NPEPPS: variants seen among roughly 807,000 people sequenced by gnomAD.
The protein encoded by NPEPPS is puromycin-sensitive aminopeptidase.
NPEPPS carries 14 observed loss-of-function variants against 115.5 expected under a neutral mutation model. The ratio of observed to expected loss-of-function variants is 0.12; its 90% CI spans 0.08 to 0.19. The LOEUF is 0.19. Ranked by LOEUF, NPEPPS falls within the 10% of genes least tolerant of loss-of-function variation. NPEPPS has a pLI of 1.00. For missense variants in NPEPPS, 523 were observed against 1,110.8 expected, an observed-to-expected ratio of 0.47 and a Z score of 7.52; for synonymous variants, 285 against 390.6, an observed-to-expected ratio of 0.73 and a Z score of 3.19.
chr17:47,595,182 C>T (rs1050492029), intron 12 of NPEPPS, among the ~76,000 whole-genome samples: 5 of 152,136 alleles, frequency 3.3e-5, no homozygotes, highest in East Asian at 3.9e-4. Context: ...GTGCCCACCT[C>T]GGCCTCCCAA....
intron 17 of NPEPPS, among the ~76,000 whole-genome samples, chr17:47,609,876 C>T (rs984303196): frequency 1.3e-5 from 2 of 152,136 alleles, no homozygotes; most frequent in Non-Finnish European, 2.9e-5. Flanking sequence ...CTGAGATAAT[C>T]TGGGTTGTTC....
intron 10 of NPEPPS, 48 bp downstream of exon 10, chr17:47,590,929 A>G: frequency 2.7e-6 from 4 of 1,481,224 alleles, no homozygotes; most frequent in Non-Finnish European, 2.7e-6. Flanking sequence ...CTCATTTACA[A>G]TGAAATACGT....
In NPEPPS at chr17:47,592,559, G is replaced by C. The variant is rs770590577; in HGVS notation, c.1426+14G>C. The C allele has an allele frequency of 6.3e-7, 1 of 1,580,708 alleles. No homozygotes were observed. The highest frequency in any genetic ancestry group is 1.3e-5 in the African/African-American group (1 of 74,290). ...ATGCTGCCACAGGTAATCTCTAATAGCTTGAGATAGAAATGGAGAGAAAGT... is the reference window on the plus strand; with the variant it reads ...ATGCTGCCACAGGTAATCTCTAATACCTTGAGATAGAAATGGAGAGAAAGT... On this transcript the variant is annotated intron_variant, in intron 12 of 22. Coordinates refer to ENST00000322157, the MANE Select transcript of NPEPPS (RefSeq NM_006310.4).
intron 2 of NPEPPS, among the ~76,000 whole-genome samples, chr17:47,556,669 G>GC (rs908176293): frequency 1.3e-5 from 2 of 152,088 alleles, no homozygotes; most frequent in African/African-American, 2.4e-5. Context: ...GGGCAGAGGT[G>GC]CCCCCCACCT....
At chr17:47,592,756 C>T (rs1438539836) in intron 12 of NPEPPS, 11 of 476,106 alleles carry the variant, frequency 2.3e-5, no homozygotes, top group Admixed American at 3.6e-5. Flanking sequence ...TCTTTCCTTT[C>T]TTTCTTTTTT....
At chr17:47,560,847 G>A (rs969659581) in intron 2 of NPEPPS, among the ~76,000 whole-genome samples, 6 of 152,168 alleles carry the variant, frequency 3.9e-5, no homozygotes, top group Admixed American at 2.6e-4. Flanking sequence ...CTCACAATGT[G>A]TTTGATCTAG....
intron 12 of NPEPPS, among the ~76,000 whole-genome samples, chr17:47,595,398 G>T (rs956938041): frequency 3.3e-5 from 5 of 152,306 alleles, no homozygotes; most frequent in African/African-American, 9.6e-5. Context: ...AATTGAATGG[G>T]TATAACGGTC....
Position 47,607,928 on chromosome 17 carries a change from T to C in NPEPPS, c.2095+2376T>C, listed in dbSNP as rs1597886367. On this transcript the variant is annotated intron_variant, in intron 17 of 22. Transcript: ENST00000322157. ...GATGCAGTCATAGCTCACTGCAGCCTCGAATTCCTGGATTCAAGCTATCCT... is the reference window on the plus strand; with the variant it reads ...GATGCAGTCATAGCTCACTGCAGCCCCGAATTCCTGGATTCAAGCTATCCT... 2.6e-5 allele frequency among the ~76,000 whole-genome samples: 4 copies of C among 152,154 alleles called. No homozygotes were observed. The South Asian group carries it at 6.2e-4, about 24-fold the overall frequency.
intron 14 of NPEPPS, among the ~76,000 whole-genome samples, chr17:47,601,235 CA>C (rs986792586): frequency 3.4e-5 from 5 of 147,772 alleles, no homozygotes; most frequent in Admixed American, 6.7e-5. Context: ...ACTCTGTCTC[CA>C]AAAAAAAATA....
intron 15 of NPEPPS, 68 bp from the exon 16 acceptor site, chr17:47,603,847 A>C: frequency 6.9e-7 from 1 of 1,444,052 alleles, no homozygotes; most frequent in Non-Finnish European, 9.5e-7. Flanking sequence ...ACTCCTTTTA[A>C]ACATACAAAA....
Position 47,619,800 on chromosome 17 carries a change from T to G in NPEPPS, c.2607+16T>G. ...AGAGGTTAAGGTAAGGAAAATACTG[T>G]TTACTCTTCACTTTTCAGTCTAGTA... On this transcript the variant is annotated intron_variant, in intron 22 of 22. Coordinates refer to ENST00000322157, the MANE Select transcript of NPEPPS (RefSeq NM_006310.4). 1 of 1,592,966 alleles carries G rather than the reference T, an allele frequency of 6.3e-7. No homozygotes were observed.
upstream of NPEPPS, among the ~76,000 whole-genome samples, chr17:47,527,247 C>A (rs995311525): frequency 5.9e-5 from 9 of 152,128 alleles, no homozygotes; most frequent in African/African-American, 2.2e-4. Context: ...CTTTGGGAGG[C>A]CGAGGTGGGC....
intron 2 of NPEPPS, among the ~76,000 whole-genome samples, chr17:47,562,785 T>TAAA (rs3065310): frequency 0.41 from 59,904 of 146,044 alleles, 12,870 homozygotes; most frequent in Admixed American, 0.49. Context: ...TAGTTAATTG[T>TAAA]AAAAAAAAAA....
chr17:47,604,112 G>A lies in NPEPPS; in HGVS notation c.1875+63G>A. 1.2e-5 allele frequency: 18 copies of A among 1,515,814 alleles called. No homozygotes were observed. The South Asian group carries it at 2.1e-4, about 18-fold the overall frequency. The allele number at this position is 1,515,814 out of a possible 1,614,324, so 93.9% of individuals were successfully genotyped here. A position where few individuals can be genotyped will look rare whatever the true frequency, so the allele number is the denominator to read the frequency against. On this transcript the variant is annotated intron_variant, in intron 16 of 22. Transcript: ENST00000322157. ...CTGATTAAAAGATTCTGTTTTTCCTGGAGTGTCTGAAACATAATTAGAAGA... is the reference window on the plus strand; with the variant it reads ...CTGATTAAAAGATTCTGTTTTTCCTAGAGTGTCTGAAACATAATTAGAAGA...
intron 2 of NPEPPS, among the ~76,000 whole-genome samples, chr17:47,549,932 A>AT (rs568065668): frequency 2.7e-3 from 391 of 143,202 alleles, no homozygotes; most frequent in African/African-American, 3.7e-3. Flanking sequence ...GCTTCTTTTA[A>AT]TTTTTTTTTT....
rs1914697348 is a variant in NPEPPS at position 47,623,114 on chromosome 17, A to G, written c.*1194A>G. Reference sequence around the variant, plus strand: ...TTTTTTTTCTTTTTTTCTTAAAAAAATATTTTGTGTTATTAACAGAAATTC... The same window carrying G: ...TTTTTTTTCTTTTTTTCTTAAAAAAGTATTTTGTGTTATTAACAGAAATTC... On this transcript the variant is annotated 3_prime_UTR_variant, in exon 23 of 23. Transcript: ENST00000322157. The G allele has an allele frequency of 7.8e-6, 2 of 257,672 alleles. No individual in the cohort carries two copies. The highest frequency in any genetic ancestry group is 7.7e-5 in the South Asian group (2 of 25,858). The allele number at this position is 257,672 out of a possible 1,614,324, so 16.0% of individuals were successfully genotyped here. A position where few individuals can be genotyped will look rare whatever the true frequency, so the allele number is the denominator to read the frequency against.
intron 2 of NPEPPS, among the ~76,000 whole-genome samples, chr17:47,550,394 G>A (rs4794372): frequency 0.45 from 63,598 of 141,202 alleles, 15,162 homozygotes; most frequent in South Asian, 0.56. Flanking sequence ...GTGGCGCAAT[G>A]TCGGCTCACT....
At chr17:47,553,149 C>T (rs1485748693) in intron 2 of NPEPPS, among the ~76,000 whole-genome samples, 1 of 151,858 alleles carries the variant, frequency 6.6e-6, no homozygotes, top group African/African-American at 2.4e-5. Flanking sequence ...GGCGGCTCAC[C>T]TAAGGTCAGG....
At chr17:47,569,679 A>C (rs1026198411) in intron 3 of NPEPPS, among the ~76,000 whole-genome samples, 185 bp downstream of exon 3, 2 of 150,286 alleles carry the variant, frequency 1.3e-5, no homozygotes, top group Non-Finnish European at 2.9e-5. Context: ...GAGTAGTGGC[A>C]TGATCTTGGC....
Sources: allele counts gnomAD v4.1 joint callset (sites outside exome capture counted in the v4.1 genomes callset), GRCh38; gene constraint gnomAD v4.1.1; transcripts MANE v1.5; gene names NCBI Gene and HGNC (gene_info 2026-07-23, HGNC 2026-07-21).